GCNT1: variants seen among roughly 807,000 people sequenced by gnomAD.
GCNT1 encodes beta-1,3-galactosyl-O-glycosyl-glycoprotein beta-1,6-N-acetylglucosaminyltransferase.
Under a neutral mutation model 26.2 loss-of-function variants are expected in GCNT1, and 16 were observed. The ratio of observed to expected loss-of-function variants is 0.61; its 90% confidence interval spans 0.41 to 0.93. The LOEUF (loss-of-function observed/expected upper bound fraction) is 0.93, where lower values mean the gene tolerates loss of function less well. Among genes scored for constraint, GCNT1 ranks in the 40% least tolerant of loss-of-function variants. The pLI, the probability that GCNT1 is intolerant of heterozygous loss-of-function variation, is 0.00. For missense variants in GCNT1, 477 were observed against 526.7 expected (o/e 0.91, Z 0.92); for synonymous variants, 183 against 190.8 (o/e 0.96, Z 0.34).
At chr9:76,440,477 C>T (rs957744192), upstream of GCNT1, among the ~76,000 whole-genome samples, 2 of 152,160 alleles carry the variant, frequency 1.3e-5, no homozygotes, top group Admixed American at 1.3e-4. Flanking sequence ...ACAGTGGTAC[C>T]ATGTTTCCAG....
At chr9:76,394,419 A>C in the GCNT1 span, 1 of 430,076 alleles carries the variant, frequency 2.3e-6, no homozygotes, top group Non-Finnish European at 4.1e-6. Context: ...GAGACAGCCG[A>C]AGTAAGTGCC....
chr9:76,432,092 G>A (rs140667057), intron 1 of GCNT1, among the ~76,000 whole-genome samples: 17 of 152,178 alleles, frequency 1.1e-4, no homozygotes, highest in Non-Finnish European at 1.9e-4. Flanking sequence ...CTGGGCAACA[G>A]AGCAAAATTC....
intron 2 of GCNT1, among the ~76,000 whole-genome samples, chr9:76,493,273 T>A (rs1824800691): frequency 6.6e-6 from 1 of 152,174 alleles, no homozygotes; most frequent in African/African-American, 2.4e-5. Context: ...GTAGGGAATT[T>A]GTCCCTTTCG....
At chr9:76,467,898 T>A (rs868015472) in intron 2 of GCNT1, among the ~76,000 whole-genome samples, 6 of 36,322 alleles carry the variant, frequency 1.7e-4, no homozygotes, top group Non-Finnish European at 9.8e-5. Flanking sequence ...TCTTTCAGTG[T>A]TTTTTTTTTT....
In GCNT1 at chr9:76,505,009, TCA is replaced by T. The variant is rs1249792307; in HGVS notation, c.*1346_*1347del. On this transcript the variant is annotated 3_prime_UTR_variant, in exon 4 of 4. Transcript: ENST00000376730. Reference sequence around the variant, plus strand: ...ATAATTTGGGGTTGCTATAATGCTGTCACACATCTCAAAGTACATTCAAATCT... The same window carrying T: ...ATAATTTGGGGTTGCTATAATGCTGTCACATCTCAAAGTACATTCAAATCT... 2.4e-5 allele frequency: 10 copies of T among 413,134 alleles called. No homozygotes were observed. The highest frequency in any genetic ancestry group is 3.1e-5 in the Non-Finnish European group (7 of 226,120). The allele number at this position is 413,134 out of a possible 1,614,324, so 25.6% of individuals were successfully genotyped here.
At chr9:76,410,480 G>A in the GCNT1 span, among the ~76,000 whole-genome samples, 6 of 152,016 alleles carry the variant, frequency 3.9e-5, no homozygotes, top group Non-Finnish European at 5.9e-5. Flanking sequence ...GGCTGGGTGC[G>A]GTGGCTCAGG....
chr9:76,496,638 A>G (rs545888360), intron 2 of GCNT1, among the ~76,000 whole-genome samples: 1 of 152,244 alleles, frequency 6.6e-6, no homozygotes, highest in Non-Finnish European at 1.5e-5. Flanking sequence ...GGCACCTGAT[A>G]CCTATCTTCT....
intron 2 of GCNT1, among the ~76,000 whole-genome samples, chr9:76,499,854 A>G (rs564780461): frequency 6.6e-6 from 1 of 152,208 alleles, no homozygotes; most frequent in Admixed American, 6.5e-5. Context: ...ATTTTTTTCA[A>G]CTATTTTTCT....
At position 76,498,921 on chromosome 9, in the gene GCNT1, C is replaced by CTA. The variant is rs775855388; in HGVS notation, c.-289-1994_-289-1993insAT. 1.1e-3 allele frequency among the ~76,000 whole-genome samples: 172 copies of CTA among 151,724 alleles called. No individual in the cohort carries two copies. In the Middle Eastern group the frequency reaches 0.017, roughly 15 times the overall value. On this transcript the variant is annotated intron_variant, in intron 2 of 3. Coordinates refer to ENST00000376730, the MANE Select transcript of GCNT1 (RefSeq NM_001490.5). Reference sequence around the variant, plus strand: ...AATTACATTCATACTATAAATTTGTCTGTATATATATACCTTTACTGCTGC... The same window carrying CTA: ...AATTACATTCATACTATAAATTTGTCTATGTATATATATACCTTTACTGCTGC...
upstream of GCNT1, among the ~76,000 whole-genome samples, chr9:76,457,988 C>T (rs1254844040): frequency 6.6e-6 from 1 of 152,088 alleles, no homozygotes; most frequent in Non-Finnish European, 1.5e-5. Flanking sequence ...ATACCCCCTA[C>T]ACGAAATCTG....
chr9:76,436,455 G>T (rs1404120610), intron 1 of GCNT1, among the ~76,000 whole-genome samples: 1 of 151,780 alleles, frequency 6.6e-6, no homozygotes, highest in Non-Finnish European at 1.5e-5. Context: ...GGGCATGGTG[G>T]CATGTGCCTG....
intron 2 of GCNT1, among the ~76,000 whole-genome samples, chr9:76,490,644 C>T (rs1824707072): frequency 6.6e-6 from 1 of 152,182 alleles, no homozygotes. Context: ...TTGTTCAGTC[C>T]ATAGTAACTT....
chr9:76,408,667 C>T, the GCNT1 span, among the ~76,000 whole-genome samples: 11 of 151,906 alleles, frequency 7.2e-5, no homozygotes, highest in Admixed American at 7.2e-4. Flanking sequence ...GAAACCACTT[C>T]CTCCGCTTCT....
chr9:76,484,840 G>A (rs1196233335), intron 2 of GCNT1, among the ~76,000 whole-genome samples: 1 of 149,168 alleles, frequency 6.7e-6, no homozygotes, highest in Admixed American at 6.7e-5. Context: ...CCAGGCTGGA[G>A]TGCAGTGGCA....
chr9:76,409,263 T>C, the GCNT1 span, among the ~76,000 whole-genome samples: 21 of 152,210 alleles, frequency 1.4e-4, no homozygotes, highest in Admixed American at 1.3e-3. Flanking sequence ...ATGATTCTTA[T>C]AGTGCTCCCA....
chr9:76,404,836 TA>T, the GCNT1 span, among the ~76,000 whole-genome samples: 1 of 151,724 alleles, frequency 6.6e-6, no homozygotes, highest in African/African-American at 2.4e-5. Context: ...TTTTTTTTTT[TA>T]AACAGAGTCT....
chr9:76,393,903 G>A, the GCNT1 span: 1 of 576,930 alleles, frequency 1.7e-6, no homozygotes, highest in Non-Finnish European at 3.0e-6. Context: ...GGAGCCAGAA[G>A]CAGGGACAAG....
intron 1 of GCNT1, among the ~76,000 whole-genome samples, chr9:76,444,998 C>G (rs1486165024): frequency 2.0e-5 from 3 of 152,180 alleles, no homozygotes; most frequent in Admixed American, 2.0e-4. Context: ...GAATAAATAG[C>G]CCACCATACT....
intron 1 of GCNT1, among the ~76,000 whole-genome samples, chr9:76,432,305 G>T (rs1298354520): frequency 4.6e-5 from 7 of 152,034 alleles, no homozygotes; most frequent in Non-Finnish European, 1.0e-4. Context: ...ATGGGCAATT[G>T]AGTCTTAAAA....
Sources: allele counts gnomAD v4.1 joint callset (sites outside exome capture counted in the v4.1 genomes callset), GRCh38; gene constraint gnomAD v4.1.1; transcripts MANE v1.5; gene names NCBI Gene and HGNC (gene_info 2026-07-23, HGNC 2026-07-21).